The following GBE1 variants were observed in gnomAD, a reference collection of about 807,000 sequenced individuals.
GBE1 encodes the protein 1,4-alpha-glucan-branching enzyme.
A neutral mutation model predicts 88.8 loss-of-function variants in GBE1; 70 were observed. That is an observed-to-expected ratio of 0.79 (90% CI 0.65 to 0.96). GBE1 has a LOEUF of 0.96. Among genes scored for constraint, GBE1 ranks in the 40% least tolerant of loss-of-function variants. The probability of loss-of-function intolerance (pLI) is 0.00; values close to 1 mark genes in which losing one functional copy is unlikely to be tolerated. For synonymous variants in GBE1, 284 were observed against 300.1 expected (o/e 0.95, Z 0.56); for missense variants, 872 against 871.0 (o/e 1.00, Z -0.01).
chr3:81,565,139 G>A (rs911404436), intron 12 of GBE1, among the ~76,000 whole-genome samples: 8 of 152,096 alleles, frequency 5.3e-5, no homozygotes, highest in Admixed American at 1.3e-4. Flanking sequence ...TGGAATATAC[G>A]CTATTTGTAT....
At chr3:81,525,319 A>G (rs1702929280) in intron 14 of GBE1, among the ~76,000 whole-genome samples, 1 of 151,980 alleles carries the variant, frequency 6.6e-6, no homozygotes, top group East Asian at 1.9e-4. Context: ...TTCTGTTTAT[A>G]TGCTGGATTA....
chr3:81,752,743 T>C (rs563766106), intron 1 of GBE1, among the ~76,000 whole-genome samples: 1 of 152,088 alleles, frequency 6.6e-6, no homozygotes, highest in East Asian at 1.9e-4. Context: ...CAATCACTCC[T>C]ACTAACAAAA....
chr3:81,528,783 T>C (rs1276620246), intron 14 of GBE1, among the ~76,000 whole-genome samples: 2 of 152,102 alleles, frequency 1.3e-5, no homozygotes, highest in East Asian at 1.9e-4. Flanking sequence ...CTGATATTCA[T>C]GCAGCTACTC....
intron 2 of GBE1, among the ~76,000 whole-genome samples, chr3:81,702,590 G>C (rs1354375328): frequency 6.6e-6 from 1 of 151,886 alleles, no homozygotes; most frequent in East Asian, 1.9e-4. Flanking sequence ...TGCTTTTCAT[G>C]CCCTTAGTTA....
intron 12 of GBE1, among the ~76,000 whole-genome samples, chr3:81,564,398 G>A (rs568396936): frequency 3.9e-5 from 6 of 152,158 alleles, no homozygotes; most frequent in Admixed American, 3.3e-4. Context: ...TCAACACCAC[G>A]GCCACTGACA....
At chr3:81,690,039 G>A (rs1270190563) in intron 2 of GBE1, among the ~76,000 whole-genome samples, 1 of 152,138 alleles carries the variant, frequency 6.6e-6, no homozygotes, top group Non-Finnish European at 1.5e-5. Flanking sequence ...CTGAACTAAG[G>A]AAAAGTCATG....
At chr3:81,651,230 A>C (rs1166716597) in intron 3 of GBE1, among the ~76,000 whole-genome samples, 1 of 152,166 alleles carries the variant, frequency 6.6e-6, no homozygotes, top group Non-Finnish European at 1.5e-5. Context: ...TTTGTGACCT[A>C]AATATTAAGT....
chr3:81,495,844 T>C (rs1702493967), intron 15 of GBE1, among the ~76,000 whole-genome samples: 1 of 152,220 alleles, frequency 6.6e-6, no homozygotes, highest in Non-Finnish European at 1.5e-5. Flanking sequence ...TCAAGTCTAC[T>C]TTTGAACCTC....
intron 7 of GBE1, among the ~76,000 whole-genome samples, chr3:81,619,476 ATTAT>A (rs1559665165): frequency 6.6e-6 from 1 of 152,148 alleles, no homozygotes; most frequent in Non-Finnish European, 1.5e-5. Flanking sequence ...TGACAATTAG[ATTAT>A]TTATTTCATT....
At chr3:81,726,298 G>A (rs552472709) in intron 1 of GBE1, among the ~76,000 whole-genome samples, 4 of 152,130 alleles carry the variant, frequency 2.6e-5, no homozygotes, top group Middle Eastern at 3.4e-3. Context: ...AGATGAGTAC[G>A]TCATGCTTCA....
intron 7 of GBE1, among the ~76,000 whole-genome samples, chr3:81,641,494 T>C: frequency 6.6e-6 from 1 of 152,228 alleles, no homozygotes; most frequent in Middle Eastern, 3.4e-3. Flanking sequence ...GTGACATGAA[T>C]ACAAAATACC....
At chr3:81,743,623 T>G in intron 1 of GBE1, 1 of 1,534,306 alleles carries the variant, frequency 6.5e-7, no homozygotes, top group Non-Finnish European at 8.7e-7. Flanking sequence ...CGAATCCAAG[T>G]GAAATTGGAA....
At chr3:81,622,072 C>A (rs1163012827) in intron 7 of GBE1, among the ~76,000 whole-genome samples, 1 of 152,178 alleles carries the variant, frequency 6.6e-6, no homozygotes, top group Admixed American at 6.5e-5. Flanking sequence ...GACCTCCATT[C>A]CAGCTACCAA....
At chr3:81,574,873 T>C (rs1459113037) in intron 12 of GBE1, among the ~76,000 whole-genome samples, 1 of 152,040 alleles carries the variant, frequency 6.6e-6, no homozygotes, top group Non-Finnish European at 1.5e-5. Flanking sequence ...TTTTAGAAAG[T>C]ATAGAATGAG....
intron 8 of GBE1, among the ~76,000 whole-genome samples, chr3:81,593,309 G>T (rs1423603530): frequency 6.6e-6 from 1 of 151,026 alleles, no homozygotes; most frequent in Non-Finnish European, 1.5e-5. Flanking sequence ...AGTTTGCAGT[G>T]ATCTGAGTTC....
intron 1 of GBE1, among the ~76,000 whole-genome samples, chr3:81,735,042 C>T (rs1256304037): frequency 6.6e-6 from 1 of 152,130 alleles, no homozygotes; most frequent in Non-Finnish European, 1.5e-5. Context: ...CATTTAGTAG[C>T]TATCTCAGTT....
At chr3:81,616,694 A>G (rs893921342) in intron 7 of GBE1, among the ~76,000 whole-genome samples, 2 of 152,102 alleles carry the variant, frequency 1.3e-5, no homozygotes, top group Admixed American at 1.3e-4. Flanking sequence ...CTTACCATAT[A>G]ATTTTGAAAT....
chr3:81,705,231 CAT>C (rs1705757543), intron 2 of GBE1, among the ~76,000 whole-genome samples: 3 of 152,040 alleles, frequency 2.0e-5, no homozygotes, highest in Non-Finnish European at 4.4e-5. Flanking sequence ...TTTTACAGAA[CAT>C]AAAGTCTTTC....
At chr3:81,726,739 G>A (rs1450505999) in intron 1 of GBE1, among the ~76,000 whole-genome samples, 4 of 151,914 alleles carry the variant, frequency 2.6e-5, no homozygotes, top group Non-Finnish European at 4.4e-5. Flanking sequence ...GCGCCACCAT[G>A]CCTGGCTAAT....
Sources: allele counts gnomAD v4.1 joint callset (sites outside exome capture counted in the v4.1 genomes callset), GRCh38; gene constraint gnomAD v4.1.1; transcripts MANE v1.5; gene names NCBI Gene and HGNC (gene_info 2026-07-23, HGNC 2026-07-21).